The following SLC9A3 variants were observed in gnomAD, a reference collection of about 807,000 sequenced individuals.
SLC9A3 encodes the protein solute carrier family 9 member A3, also known as sodium/hydrogen exchanger 3.
In SLC9A3, 37 loss-of-function variants were observed where a neutral mutation model predicts 86.8. The ratio of observed to expected loss-of-function variants is 0.43; its 90% CI spans 0.33 to 0.56. The LOEUF (loss-of-function observed/expected upper bound fraction) is 0.56, where lower values mean the gene tolerates loss of function less well. Ranked by LOEUF, SLC9A3 falls within the 20% of genes least tolerant of loss-of-function variation. The pLI, the probability that SLC9A3 is intolerant of heterozygous loss-of-function variation, is 0.06. For synonymous variants in SLC9A3, 581 were observed against 528.3 expected, an observed-to-expected ratio of 1.10 and a Z score of -1.37; for missense variants, 1,011 against 1,171.9, an observed-to-expected ratio of 0.86 and a Z score of 2.00.
chr5:492,602 A>C (rs1739831749), intron 1 of SLC9A3, among the ~76,000 whole-genome samples: 2 of 151,334 alleles, frequency 1.3e-5, no homozygotes, highest in South Asian at 4.2e-4. Flanking sequence ...GAAGGGAGTC[A>C]GTTGGAGGAG....
chr5:501,959 C>T (rs535162007), intron 1 of SLC9A3, among the ~76,000 whole-genome samples: 14 of 152,340 alleles, frequency 9.2e-5, no homozygotes, highest in African/African-American at 2.9e-4. Context: ...GCCCCCGGGC[C>T]GGGAAGCTGC....
intron 1 of SLC9A3, among the ~76,000 whole-genome samples, chr5:501,936 C>T (rs1011360388): frequency 2.0e-5 from 3 of 152,224 alleles, no homozygotes; most frequent in African/African-American, 4.8e-5. Context: ...AGCCCCTCTC[C>T]GAGCGAGGCC....
At chr5:516,601 T>C (rs1733738324) in intron 1 of SLC9A3, among the ~76,000 whole-genome samples, 1 of 152,188 alleles carries the variant, frequency 6.6e-6, no homozygotes, top group African/African-American at 2.4e-5. Flanking sequence ...AGAAGGCATA[T>C]AGCTAAGGCA....
chr5:475,519 G>A (rs1413222811), intron 15 of SLC9A3, 42 bp downstream of exon 15: 2 of 1,248,078 alleles, frequency 1.6e-6, no homozygotes, highest in South Asian at 1.3e-5. Flanking sequence ...GGCGGCAGGA[G>A]CCACCCCTCC....
rs1220513828 is a variant in SLC9A3, at chr5:479,841, C to T, written c.1642G>A (p.Ala548Thr). The T allele has an allele frequency of 7.4e-6, 12 of 1,613,314 alleles. No individual in the cohort carries two copies. Among genetic ancestry groups the T allele is most frequent in the Admixed American group, 1.7e-5 (1 of 60,004 alleles). The change falls in exon 10 of 17, where the codon GCT becomes ACT. Residue 548 changes from alanine (A) to threonine (T), a missense_variant. Physicochemically the swap from Ala to Thr is moderately conservative, Grantham distance 58 (BLOSUM62 0). Coordinates refer to ENST00000264938, the MANE Select transcript of SLC9A3 (RefSeq NM_004174.4). ...LNLKDAISYV[A>T]EGERRGSLAF... ...AGAGCAAGCGGCTCTGCTACCTCAG[C>T]CACGTAGCTGATGGCATCCTTCAGG...
At chr5:489,196 G>A (rs571072675) in intron 2 of SLC9A3, among the ~76,000 whole-genome samples, 69 of 152,296 alleles carry the variant, frequency 4.5e-4, no homozygotes, top group Admixed American at 8.5e-4. Flanking sequence ...ACGTGGCCCC[G>A]AGAGTCTGCC....
intron 1 of SLC9A3, among the ~76,000 whole-genome samples, chr5:513,734 C>T (rs992444978): frequency 6.6e-6 from 1 of 152,216 alleles, no homozygotes; most frequent in African/African-American, 2.4e-5. Flanking sequence ...GGGCCACCCT[C>T]GCCTTCTCCC....
At chr5:522,739 CAAA>C (rs397960621) in intron 1 of SLC9A3, among the ~76,000 whole-genome samples, 2 of 98,122 alleles carry the variant, frequency 2.0e-5, no homozygotes, top group Admixed American at 1.1e-4. Flanking sequence ...AATTCTATCT[CAAA>C]AAAAAAAAAA....
rs540934994 is a variant in SLC9A3, at chr5:484,797, C to T, written c.755-100G>A. The T allele has an allele frequency of 1.4e-4, 165 of 1,138,278 alleles. 1 individual carries two copies. In the South Asian group the frequency reaches 2.0e-3, roughly 14 times the overall value. The allele number at this position is 1,138,278 out of a possible 1,614,324, so 70.5% of individuals were successfully genotyped here. On this transcript the variant is annotated intron_variant, in intron 4 of 16. Coordinates refer to ENST00000264938, the MANE Select transcript of SLC9A3 (RefSeq NM_004174.4). ...GCGGAAGTGCCGGGAGCCCGGGAAA[C>T]GGGGGTGGATCCCTCACTCTCTTGG...
chr5:508,808 A>T (rs1488383517), intron 1 of SLC9A3, among the ~76,000 whole-genome samples: 1 of 152,178 alleles, frequency 6.6e-6, no homozygotes, highest in Admixed American at 6.5e-5. Flanking sequence ...TTGAAAGAGG[A>T]GGTTAAGAAT....
In SLC9A3 at chr5:477,386, T is replaced by C. The variant is rs779930080; in HGVS notation, c.1706A>G (p.Asn569Ser). Reference protein sequence around the residue: ...IRSPSTDNVVNVDFTPRSSTV... With the variant: ...IRSPSTDNVVSVDFTPRSSTV... ...GGACGATCGTGGCGTGAAGTCCACGTTGACCACGTTGTCGGTGCTGGGGGA... is the reference window on the plus strand; with the variant it reads ...GGACGATCGTGGCGTGAAGTCCACGCTGACCACGTTGTCGGTGCTGGGGGA... Residue 569 changes from asparagine to serine, a missense_variant, in exon 11 of 17, where the codon AAC becomes AGC. By Grantham distance (46) the Asn-to-Ser change is conservative. Around this residue, in one of 3 missense-constraint regions of SLC9A3, gnomAD observed 565 missense variants for 790.0 expected, o/e 0.72. Coordinates refer to ENST00000264938, the MANE Select transcript of SLC9A3 (RefSeq NM_004174.4). 6.2e-7 allele frequency: 1 copy of C among 1,613,266 alleles called. No homozygotes were observed. The highest frequency in any genetic ancestry group is 1.1e-5 in the South Asian group (1 of 91,040).
At position 470,902 on chromosome 5, in the gene SLC9A3, C is replaced by G. The variant is rs1446478706; in HGVS notation, c.*2477G>C. 2.0e-5 allele frequency: 3 copies of G among 152,320 alleles called. No homozygotes were observed. Among genetic ancestry groups the G allele is most frequent in the Admixed American group, 1.3e-4 (2 of 15,278 alleles). The allele number at this position is 152,320 out of a possible 1,614,324, so 9.4% of individuals were successfully genotyped here. A position where few individuals can be genotyped will look rare whatever the true frequency, so the allele number is the denominator to read the frequency against. Reference sequence around the variant, plus strand: ...CTAATAAAAGTTTTTACAAGTTTTCCTAAGGAAATACATTCATAAGACTGT... The same window carrying G: ...CTAATAAAAGTTTTTACAAGTTTTCGTAAGGAAATACATTCATAAGACTGT... On this transcript the variant is annotated 3_prime_UTR_variant, in exon 17 of 17. Transcript: ENST00000264938.
chr5:512,844 G>A (rs533703610), intron 1 of SLC9A3, among the ~76,000 whole-genome samples: 4 of 152,258 alleles, frequency 2.6e-5, no homozygotes, highest in African/African-American at 7.2e-5. Flanking sequence ...ACCCCTGGAG[G>A]AAGGGCTGGG....
intron 1 of SLC9A3, among the ~76,000 whole-genome samples, chr5:500,812 G>GC (rs1740238981): frequency 6.6e-6 from 1 of 150,630 alleles, no homozygotes; most frequent in Non-Finnish European, 1.5e-5. Flanking sequence ...TGTGGATGGG[G>GC]CAGGCGTGGA....
chr5:513,109 A>AG (rs1733611049), intron 1 of SLC9A3, among the ~76,000 whole-genome samples: 1 of 151,878 alleles, frequency 6.6e-6, no homozygotes, highest in African/African-American at 2.4e-5. Context: ...AGGGTGAGGG[A>AG]GGGGGGCGTG....
chr5:517,436 A>T (rs115434448), intron 1 of SLC9A3, among the ~76,000 whole-genome samples: 2,459 of 144,496 alleles, frequency 0.017, 64 homozygotes, highest in African/African-American at 0.058. Flanking sequence ...CACCCATCCA[A>T]CTATTCACTC....
At chr5:501,503 G>A (rs1037715400) in intron 1 of SLC9A3, among the ~76,000 whole-genome samples, 1 of 152,210 alleles carries the variant, frequency 6.6e-6, no homozygotes, top group African/African-American at 2.4e-5. Flanking sequence ...GGGACGAGGG[G>A]CCGGGGCATT....
intron 1 of SLC9A3, among the ~76,000 whole-genome samples, chr5:516,752 C>T (rs1473761235): frequency 6.6e-6 from 1 of 152,220 alleles, no homozygotes; most frequent in Non-Finnish European, 1.5e-5. Flanking sequence ...TGCCAAAGTG[C>T]TCTGAGCCGA....
intron 1 of SLC9A3, among the ~76,000 whole-genome samples, chr5:504,370 C>G (rs1017770251): frequency 6.6e-6 from 1 of 152,220 alleles, no homozygotes; most frequent in South Asian, 2.1e-4. Context: ...AATAGCCCCC[C>G]GGGGCTGCAG....
Sources: allele counts gnomAD v4.1 joint callset (sites outside exome capture counted in the v4.1 genomes callset), GRCh38; gene constraint gnomAD v4.1.1; regional missense constraint gnomAD v4.1.1; transcripts MANE v1.5; gene names NCBI Gene and HGNC (gene_info 2026-07-23, HGNC 2026-07-21).